The following ZNF608 variants were observed in gnomAD, a reference collection of about 807,000 sequenced individuals.
ZNF608 encodes zinc finger protein 608.
Under a neutral mutation model 109.0 loss-of-function variants are expected in ZNF608, and 12 were observed. The observed-to-expected ratio is 0.11, with a 90% CI of 0.07 to 0.18. The LOEUF (loss-of-function observed/expected upper bound fraction) is 0.18. Among genes scored for constraint, ZNF608 ranks in the 10% least tolerant of loss-of-function variants. The probability of loss-of-function intolerance (pLI) is 1.00; values close to 1 mark genes in which losing one functional copy is unlikely to be tolerated. For missense variants in ZNF608, 1,707 were observed against 1,879.3 expected (o/e 0.91, Z 1.70); for synonymous variants, 732 against 717.4 (o/e 1.02, Z -0.33).
chr5:124,642,691 T>C (rs1471535504), intron 7 of ZNF608, among the ~76,000 whole-genome samples: 2 of 144,930 alleles, frequency 1.4e-5, no homozygotes, highest in African/African-American at 5.3e-5. Flanking sequence ...TTTTCTATTG[T>C]CTTTTTTTTT....
At chr5:124,690,168 A>G (rs867222340) in intron 3 of ZNF608, among the ~76,000 whole-genome samples, 63 of 152,388 alleles carry the variant, frequency 4.1e-4, no homozygotes, top group African/African-American at 1.5e-3. Flanking sequence ...TGTCATCTTT[A>G]GAAAGAGCAA....
chr5:124,646,969 C>T lies in ZNF608; in HGVS notation c.3415G>A (p.Gly1139Ser). 6.2e-7 allele frequency: 1 copy of T among 1,614,084 alleles called. No homozygotes were observed. Among genetic ancestry groups the T allele is most frequent in the Non-Finnish European group, 8.5e-7 (1 of 1,180,010 alleles). The change falls in exon 5 of 10, where the codon GGC becomes AGC. Residue 1139 changes from glycine to serine, a missense_variant. Gly to Ser is a moderately conservative substitution (Grantham distance 56, BLOSUM62 0). This residue lies in a region of ZNF608 where 1,073 missense variants were observed against 1,133.5 expected (regional missense o/e 0.95). Coordinates refer to ENST00000513986, the MANE Select transcript of ZNF608 (RefSeq NM_020747.3). The stretch of plus-strand genomic sequence containing the variant: ...TTTTTCTGTTTAGTTTCCTCCTTGC[C>T]CAGCTCTTTCAAGGGGAGCTCACTT... The part of the protein sequence containing the change: ...RKSELPLKEL[G>S]KEETKQKNMP...
At position 124,637,011 on chromosome 5, in the gene ZNF608, A is replaced by C. The variant is rs768132889; in HGVS notation, c.*889T>G. ...ATTCAATATACATTTTACATAAAAT[A>C]AACTAGATTACAGCATAAAACAAGT... On this transcript the variant is annotated 3_prime_UTR_variant, in exon 10 of 10. Coordinates refer to ENST00000513986, the MANE Select transcript of ZNF608 (RefSeq NM_020747.3). 1 of 152,526 alleles carries C rather than the reference A, an allele frequency of 6.6e-6. No homozygotes were observed. Among genetic ancestry groups the C allele is most frequent in the Non-Finnish European group, 1.5e-5 (1 of 68,016 alleles). 9.4% of individuals were successfully genotyped at this position (152,526 alleles called of 1,614,324 possible).
chr5:124,717,178 T>C (rs1753736900), intron 2 of ZNF608, among the ~76,000 whole-genome samples: 1 of 151,148 alleles, frequency 6.6e-6, no homozygotes, highest in African/African-American at 2.4e-5. Flanking sequence ...AAAATTCATT[T>C]TTGCTGGCCA....
At chr5:124,672,612 A>G (rs1751776124) in intron 3 of ZNF608, among the ~76,000 whole-genome samples, 1 of 152,238 alleles carries the variant, frequency 6.6e-6, no homozygotes, top group African/African-American at 2.4e-5. Context: ...TAGTTGTTCA[A>G]CTGTCTTCCT....
At chr5:124,649,544 C>T in intron 4 of ZNF608, 66 bp downstream of exon 4, 1 of 1,305,172 alleles carries the variant, frequency 7.7e-7, no homozygotes, top group Non-Finnish European at 1.1e-6. Flanking sequence ...TATTATGAAT[C>T]TCTCTCTACA....
chr5:124,701,374 T>C, intron 2 of ZNF608, 105 bp from the exon 3 acceptor site: 1 of 1,394,018 alleles, frequency 7.2e-7, no homozygotes, highest in Non-Finnish European at 9.8e-7. Flanking sequence ...CCAAATTCCA[T>C]TTGCAATTAT....
At chr5:124,707,488 G>A in intron 2 of ZNF608, among the ~76,000 whole-genome samples, 1 of 152,132 alleles carries the variant, frequency 6.6e-6, no homozygotes, top group East Asian at 1.9e-4. Flanking sequence ...ACAACCAGAG[G>A]GGGAATGGTG....
intron 3 of ZNF608, among the ~76,000 whole-genome samples, chr5:124,651,082 A>G (rs1750751457): frequency 6.6e-6 from 1 of 152,244 alleles, no homozygotes; most frequent in South Asian, 2.1e-4. Flanking sequence ...CTCTGTGTTA[A>G]TTCAGTGTAC....
intron 2 of ZNF608, among the ~76,000 whole-genome samples, chr5:124,737,394 G>A (rs150064876): frequency 4.7e-4 from 72 of 152,216 alleles, no homozygotes; most frequent in African/African-American, 1.7e-3. Context: ...TAGGTCGGGG[G>A]GTGGAAATGA....
At chr5:124,672,848 GA>G (rs1260286808) in intron 3 of ZNF608, among the ~76,000 whole-genome samples, 1 of 152,176 alleles carries the variant, frequency 6.6e-6, no homozygotes, top group Non-Finnish European at 1.5e-5. Flanking sequence ...GAAGTCCAGA[GA>G]AAACAACTAT....
intron 2 of ZNF608, among the ~76,000 whole-genome samples, chr5:124,735,449 G>A (rs1265396789): frequency 1.3e-5 from 2 of 152,190 alleles, no homozygotes; most frequent in Non-Finnish European, 2.9e-5. Flanking sequence ...GGAGCCCAGG[G>A]CCCTCCATCT....
chr5:124,641,344 G>A lies in ZNF608; in HGVS notation c.4358C>T (p.Ser1453Phe), dbSNP rs752786168. The part of the protein sequence containing the change: ...REAERERDRH[S>F]PFGQRHLHTH... ...GTGCAGGTGCCGCTGGCCGAAGGGG[G>A]AGTGGCGATCCCTTTCCCTTTCTGC... Residue 1453 changes from serine to phenylalanine, a missense_variant, in exon 8 of 10, where the codon TCC becomes TTC. Transcript: ENST00000513986. 1 of 1,614,100 alleles carries A rather than the reference G, an allele frequency of 6.2e-7. No homozygotes were observed.
At position 124,643,594 on chromosome 5, in the gene ZNF608, C is replaced by T. The variant is rs201215399; in HGVS notation, c.4213G>A (p.Val1405Ile). The change falls in exon 7 of 10, where the codon GTC becomes ATC. Residue 1405 changes from valine to isoleucine, a missense_variant. Val to Ile is a conservative substitution (Grantham distance 29). Around this residue, in one of 7 missense-constraint regions of ZNF608, gnomAD observed 1,073 missense variants for 1,133.5 expected, o/e 0.95. Transcript: ENST00000513986. ...GATTCAGTGGTTGTTTTCGTGTTGA[C>T]GCTAGGGCTGGTATTGACTTTCTCT... is the stretch of plus-strand genomic sequence containing the variant. Reference protein sequence around the residue: ...ETEKVNTSPSVNTKTTTESKA... With the variant: ...ETEKVNTSPSINTKTTTESKA... 9.0e-5 allele frequency: 146 copies of T among 1,614,174 alleles called. No individual in the cohort carries two copies. The East Asian group carries it at 2.8e-3, about 31-fold the overall frequency.
chr5:124,678,660 A>C (rs1752065024), intron 3 of ZNF608, among the ~76,000 whole-genome samples: 1 of 152,040 alleles, frequency 6.6e-6, no homozygotes, highest in South Asian at 2.1e-4. Flanking sequence ...GTGTTAGTTG[A>C]TGTGTGTTTC....
Position 124,669,737 on chromosome 5 carries a change from G to A in ZNF608, c.1163-20040C>T, listed in dbSNP as rs896281585. 7.9e-5 allele frequency among the ~76,000 whole-genome samples: 12 copies of A among 151,992 alleles called. 1 individual carries two copies. The highest frequency in any genetic ancestry group is 1.6e-4 in the Non-Finnish European group (11 of 68,008). On this transcript the variant is annotated intron_variant, in intron 3 of 9. Transcript: ENST00000513986. The stretch of plus-strand genomic sequence containing the variant: ...TCATACCTAGGCTTATCAGACTCCT[G>A]TGTTTTCCCAAAACTCGCCAGATGA...
chr5:124,655,909 C>G (rs1396357340), intron 3 of ZNF608, among the ~76,000 whole-genome samples: 2 of 152,198 alleles, frequency 1.3e-5, no homozygotes, highest in Non-Finnish European at 2.9e-5. Flanking sequence ...AAATGTACAA[C>G]TAAGGTTGCT....
upstream of ZNF608, among the ~76,000 whole-genome samples, chr5:124,747,451 A>T (rs549902250): frequency 6.6e-6 from 1 of 151,834 alleles, no homozygotes; most frequent in Non-Finnish European, 1.5e-5. Flanking sequence ...ACAACCAACC[A>T]TCTAAAAGGA....
At position 124,647,916 on chromosome 5, in the gene ZNF608, T is replaced by C; in HGVS notation, c.2468A>G (p.Glu823Gly). ...TTTTGGGCTTCCCGTCTCTTTCCCT[T>C]CTTTGTCCTTTAGCTTTCGCTTCTC... ...KKEKRKLKDKEGKETGSPKMD... is the reference protein window; with the variant it reads ...KKEKRKLKDKGGKETGSPKMD... Residue 823 changes from glutamate to glycine, a missense_variant, in exon 5 of 10, where the codon GAA becomes GGA. Physicochemically the swap from Glu to Gly is moderately conservative, Grantham distance 98. Transcript: ENST00000513986. The C allele has an allele frequency of 6.2e-7, 1 of 1,614,204 alleles. No individual in the cohort carries two copies. Among genetic ancestry groups the C allele is most frequent in the Non-Finnish European group, 8.5e-7 (1 of 1,180,026 alleles).
Sources: gnomAD v4.1 joint callset for allele counts (sites outside exome capture counted in the v4.1 genomes callset) on GRCh38, gnomAD v4.1.1 for gene constraint, gnomAD v4.1.1 regional missense constraint, MANE v1.5 for transcripts, NCBI Gene and HGNC (gene_info 2026-07-23, HGNC 2026-07-21) for gene names.